GPC6: variants seen among roughly 807,000 people sequenced by gnomAD.
GPC6 encodes the protein glypican 6, also known as glypican-6.
In GPC6, 14 loss-of-function variants were observed where a neutral mutation model predicts 55.2. That is an observed-to-expected ratio of 0.25 (90% CI 0.17 to 0.40). The LOEUF is 0.40. GPC6 is among the 10% of genes least tolerant of loss of function. The pLI is 1.00. For synonymous variants in GPC6, 278 were observed against 259.6 expected (o/e 1.07, Z -0.68); for missense variants, 641 against 708.5 (o/e 0.90, Z 1.08).
intron 1 of GPC6, among the ~76,000 whole-genome samples, chr13:93,337,969 G>A (rs4142600): frequency 6.6e-6 from 1 of 152,190 alleles, no homozygotes; most frequent in African/African-American, 2.4e-5. Flanking sequence ...TTAAATTTCA[G>A]TTGCTACCCT....
intron 6 of GPC6, among the ~76,000 whole-genome samples, chr13:94,326,809 G>C (rs1371362474): frequency 6.6e-6 from 1 of 152,246 alleles, no homozygotes; most frequent in East Asian, 1.9e-4. Flanking sequence ...AACACAGTGA[G>C]TGAAAGTAAA....
chr13:93,950,512 C>A (rs1879206683), intron 3 of GPC6, among the ~76,000 whole-genome samples: 1 of 152,124 alleles, frequency 6.6e-6, no homozygotes, highest in African/African-American at 2.4e-5. Flanking sequence ...GTATAGACCT[C>A]AAAATTACTA....
intron 3 of GPC6, among the ~76,000 whole-genome samples, chr13:93,968,569 T>C (rs1239911674): frequency 2.6e-5 from 4 of 152,164 alleles, no homozygotes; most frequent in Non-Finnish European, 4.4e-5. Context: ...ACATGTTTGG[T>C]ACAAGCCACC....
At position 94,011,073 on chromosome 13, in the gene GPC6, G is replaced by A. The variant is rs150321029; in HGVS notation, c.712-16656G>A. Among the ~76,000 whole-genome samples the A allele has an allele frequency of 8.3e-4, 127 of 152,106 alleles. No homozygotes were observed. The East Asian group carries it at 0.017, about 21-fold the overall frequency. On this transcript the variant is annotated intron_variant, in intron 3 of 8. Transcript: ENST00000377047. ...ATATACTATCATGATATGCAATAACGCATTCTCATTTAACTTCAGAATATT... is the reference window on the plus strand; with the variant it reads ...ATATACTATCATGATATGCAATAACACATTCTCATTTAACTTCAGAATATT...
At chr13:93,838,463 T>A (rs1278980631) in intron 3 of GPC6, among the ~76,000 whole-genome samples, 1 of 152,198 alleles carries the variant, frequency 6.6e-6, no homozygotes, top group Non-Finnish European at 1.5e-5. Context: ...TGAAATGTTA[T>A]GGTTGTTTGG....
intron 1 of GPC6, among the ~76,000 whole-genome samples, chr13:93,524,550 A>C (rs2139404589): frequency 6.6e-6 from 1 of 152,186 alleles, no homozygotes. Flanking sequence ...AATATGGACA[A>C]GGAGATCCAT....
chr13:93,794,699 G>A (rs965846056), intron 2 of GPC6, among the ~76,000 whole-genome samples: 5 of 152,116 alleles, frequency 3.3e-5, no homozygotes, highest in African/African-American at 1.2e-4. Flanking sequence ...ATACTAATAT[G>A]TTCACAGCTG....
chr13:93,986,435 G>A (rs1881034229), intron 3 of GPC6, among the ~76,000 whole-genome samples: 1 of 152,112 alleles, frequency 6.6e-6, no homozygotes, highest in South Asian at 2.1e-4. Context: ...CAGGGTCAAT[G>A]CAACCCTTAG....
intron 3 of GPC6, among the ~76,000 whole-genome samples, chr13:93,965,964 C>T (rs941738149): frequency 6.6e-6 from 1 of 152,130 alleles, no homozygotes; most frequent in Admixed American, 6.5e-5. Flanking sequence ...TTCCCGCAGC[C>T]CAGCACATCT....
At chr13:93,242,740 C>A (rs969686571) in intron 1 of GPC6, among the ~76,000 whole-genome samples, 1 of 152,186 alleles carries the variant, frequency 6.6e-6, no homozygotes, top group Non-Finnish European at 1.5e-5. Context: ...GAAAAGCCTG[C>A]ACTCTGTTTC....
chr13:94,047,358 C>T (rs1169738696), intron 4 of GPC6, among the ~76,000 whole-genome samples: 1 of 152,034 alleles, frequency 6.6e-6, no homozygotes, highest in Non-Finnish European at 1.5e-5. Context: ...TTGCTGAATA[C>T]ACTGAGTAGA....
intron 2 of GPC6, among the ~76,000 whole-genome samples, chr13:93,618,530 A>G (rs2139552853): frequency 6.6e-6 from 1 of 152,218 alleles, no homozygotes; most frequent in Non-Finnish European, 1.5e-5. Flanking sequence ...GGCTTTAAAG[A>G]GAGGGCTTAG....
At chr13:93,915,287 T>A (rs1173524703) in intron 3 of GPC6, among the ~76,000 whole-genome samples, 1 of 152,176 alleles carries the variant, frequency 6.6e-6, no homozygotes, top group Non-Finnish European at 1.5e-5. Context: ...CCAAAGAAGT[T>A]ATGAAACTCA....
chr13:93,795,727 G>A (rs1254048023), intron 2 of GPC6, among the ~76,000 whole-genome samples: 1 of 152,062 alleles, frequency 6.6e-6, no homozygotes, highest in Non-Finnish European at 1.5e-5. Flanking sequence ...CATATTAGTA[G>A]GTATCATTCA....
intron 4 of GPC6, among the ~76,000 whole-genome samples, chr13:94,256,292 T>C (rs953037907): frequency 6.6e-6 from 1 of 152,146 alleles, no homozygotes; most frequent in African/African-American, 2.4e-5. Context: ...GATTTGTGTC[T>C]CAGTGTAGTA....
intron 3 of GPC6, among the ~76,000 whole-genome samples, chr13:93,913,483 TTTTTG>T (rs551338142): frequency 6.6e-5 from 10 of 152,304 alleles, no homozygotes; most frequent in East Asian, 1.9e-4. Context: ...CAATGTTGGT[TTTTTG>T]TTTTGTTTTG....
intron 2 of GPC6, among the ~76,000 whole-genome samples, chr13:93,736,382 T>A (rs1377279811): frequency 6.6e-6 from 1 of 152,222 alleles, no homozygotes; most frequent in Non-Finnish European, 1.5e-5. Context: ...TTCATTGCCA[T>A]ATACATACAT....
intron 1 of GPC6, among the ~76,000 whole-genome samples, chr13:93,320,932 T>A (rs1011707570): frequency 2.4e-4 from 33 of 139,120 alleles, no homozygotes; most frequent in Middle Eastern, 3.6e-3. Flanking sequence ...TAGCGGTTTT[T>A]TAAATTGCAA....
rs866207282 is a variant in GPC6, at chr13:93,304,845, A to G, written c.160+77229A>G. ...ATGCTATGTTGAGAGTGGGTGGGGG[A>G]TTCTGATTAAAATTGGCTGAAGAGG... On this transcript the variant is annotated intron_variant, in intron 1 of 8. Transcript: ENST00000377047. 9.9e-5 allele frequency among the ~76,000 whole-genome samples: 15 copies of G among 152,088 alleles called. 1 individual carries two copies. Among genetic ancestry groups the G allele is most frequent in the Middle Eastern group, 3.4e-3 (1 of 294 alleles).
Sources: allele counts gnomAD v4.1 joint callset (sites outside exome capture counted in the v4.1 genomes callset), GRCh38; gene constraint gnomAD v4.1.1; transcripts MANE v1.5; gene names NCBI Gene and HGNC (gene_info 2026-07-23, HGNC 2026-07-21).